The following INPP4B variants were observed in gnomAD, a reference collection of about 807,000 sequenced individuals.
INPP4B encodes the protein inositol polyphosphate 4-phosphatase type II.
In INPP4B, 55 loss-of-function variants were observed where a neutral mutation model predicts 122.5. The observed-to-expected ratio is 0.45, with a 90% CI of 0.36 to 0.56. The LOEUF is 0.56. INPP4B is among the 20% of genes least tolerant of loss of function. The pLI is 0.00. For missense variants in INPP4B, 1,000 were observed against 1,097.7 expected, an observed-to-expected ratio of 0.91 and a Z score of 1.26; for synonymous variants, 403 against 388.7, an observed-to-expected ratio of 1.04 and a Z score of -0.43.
intron 2 of INPP4B, among the ~76,000 whole-genome samples, chr4:142,660,225 G>A (rs1580651220): frequency 6.6e-6 from 1 of 152,076 alleles, no homozygotes; most frequent in East Asian, 1.9e-4. Context: ...GCTTTGCATG[G>A]CGAGACCTGC....
intron 16 of INPP4B, 47 bp from the exon 17 acceptor site, chr4:142,160,608 A>C: frequency 5.2e-5 from 73 of 1,407,976 alleles, no homozygotes; most frequent in Non-Finnish European, 6.8e-5. Flanking sequence ...TAGGCATCTC[A>C]GCATAGAGCT....
chr4:142,661,139 C>T (rs987040283), intron 2 of INPP4B, among the ~76,000 whole-genome samples: 6 of 152,140 alleles, frequency 3.9e-5, no homozygotes, highest in African/African-American at 7.2e-5. Flanking sequence ...GTGTTTCCCC[C>T]ACCCGTTTTT....
chr4:142,560,550 A>G (rs1730230768), intron 2 of INPP4B: 1 of 152,254 alleles, frequency 6.6e-6, no homozygotes, highest in Non-Finnish European at 1.5e-5. Flanking sequence ...TAGGGAGGCC[A>G]ACAGTGTAGC....
intron 11 of INPP4B, among the ~76,000 whole-genome samples, chr4:142,246,205 A>G (rs1333329452): frequency 1.3e-5 from 2 of 151,634 alleles, no homozygotes; most frequent in African/African-American, 4.8e-5. Context: ...CTTGGAGTAT[A>G]GTTTGAAGTC....
In INPP4B at chr4:142,145,820, G is replaced by GA. The variant is rs758952215; in HGVS notation, c.1720+19dup. On this transcript the variant is annotated intron_variant, in intron 18 of 25. Transcript: ENST00000262992. The stretch of plus-strand genomic sequence containing the variant: ...TTTTGTTTACTCAGTAAATGATTGG[G>GA]AAAAAAAATTATTTCTTACCTCTTG... 30 of 1,608,366 alleles carry GA rather than the reference G, an allele frequency of 1.9e-5. No homozygotes were observed. Among genetic ancestry groups the GA allele is most frequent in the Admixed American group, 1.3e-4 (8 of 59,344 alleles).
chr4:142,260,671 T>C (rs1739507218), intron 10 of INPP4B, 107 bp from the exon 11 acceptor site: 1 of 720,108 alleles, frequency 1.4e-6, no homozygotes, highest in Non-Finnish European at 2.3e-6. Context: ...TTTCAAAAAG[T>C]TTTGAATAAA....
chr4:142,722,410 A>G (rs1764807313), intron 2 of INPP4B, among the ~76,000 whole-genome samples: 1 of 152,216 alleles, frequency 6.6e-6, no homozygotes, highest in Non-Finnish European at 1.5e-5. Context: ...AAGGTAAGAA[A>G]CATAGCTGGG....
chr4:142,206,066 C>A (rs892297622), intron 14 of INPP4B, among the ~76,000 whole-genome samples: 1 of 152,110 alleles, frequency 6.6e-6, no homozygotes, highest in Non-Finnish European at 1.5e-5. Context: ...TGATAACAGC[C>A]TTCTGCTGTG....
At chr4:142,523,275 A>C (rs1474359302) in intron 2 of INPP4B, among the ~76,000 whole-genome samples, 1 of 152,090 alleles carries the variant, frequency 6.6e-6, no homozygotes, top group Non-Finnish European at 1.5e-5. Flanking sequence ...TAGCCCCCAG[A>C]TAATTCGAAT....
intron 7 of INPP4B, among the ~76,000 whole-genome samples, chr4:142,394,602 G>C (rs1280310607): frequency 6.6e-6 from 1 of 151,828 alleles, no homozygotes; most frequent in Non-Finnish European, 1.5e-5. Flanking sequence ...ATACCTGTTG[G>C]CCATTTGTAT....
intron 8 of INPP4B, among the ~76,000 whole-genome samples, chr4:142,314,076 T>C (rs1293914607): frequency 1.3e-5 from 2 of 152,218 alleles, no homozygotes; most frequent in Non-Finnish European, 2.9e-5. Context: ...TTCTGGTCTT[T>C]TTCCTCCTCT....
chr4:142,595,834 AG>A (rs756501598), intron 2 of INPP4B, among the ~76,000 whole-genome samples: 1 of 152,066 alleles, frequency 6.6e-6, no homozygotes, highest in Non-Finnish European at 1.5e-5. Context: ...TGAAAAGCCA[AG>A]GTAGATTCTA....
intron 21 of INPP4B, 23 bp downstream of exon 21, chr4:142,122,105 T>G: frequency 6.8e-7 from 1 of 1,470,044 alleles, no homozygotes; most frequent in Non-Finnish European, 9.5e-7. Flanking sequence ...AAGCCTGGTC[T>G]TCAGGAAGTG....
At chr4:142,740,310 AC>A (rs1767716216) in intron 1 of INPP4B, among the ~76,000 whole-genome samples, 2 of 152,054 alleles carry the variant, frequency 1.3e-5, no homozygotes, top group African/African-American at 4.8e-5. Context: ...GAAAAAGGAA[AC>A]AAAAATAAAA....
intron 12 of INPP4B, among the ~76,000 whole-genome samples, chr4:142,231,545 T>C (rs1304641185): frequency 6.6e-6 from 1 of 152,224 alleles, no homozygotes; most frequent in Non-Finnish European, 1.5e-5. Context: ...TTTGACTATA[T>C]ATTTAGACGT....
intron 2 of INPP4B, among the ~76,000 whole-genome samples, chr4:142,632,853 AAAT>A: frequency 1.3e-5 from 2 of 151,952 alleles, no homozygotes; most frequent in South Asian, 4.2e-4. Context: ...ACTTGATAAA[AAAT>A]AATACTTCAC....
chr4:142,576,430 A>T (rs1483404990), intron 2 of INPP4B, among the ~76,000 whole-genome samples: 1 of 151,418 alleles, frequency 6.6e-6, no homozygotes, highest in Non-Finnish European at 1.5e-5. Context: ...ATTATGACCA[A>T]TTTTTTTTTC....
intron 3 of INPP4B, among the ~76,000 whole-genome samples, chr4:142,440,808 T>G (rs1811546541): frequency 6.6e-6 from 1 of 152,212 alleles, no homozygotes. Context: ...GCAAAATAGT[T>G]ACTATGGTGG....
At chr4:142,684,921 A>G (rs1050268567) in intron 2 of INPP4B, among the ~76,000 whole-genome samples, 2 of 152,084 alleles carry the variant, frequency 1.3e-5, no homozygotes, top group South Asian at 2.1e-4. Context: ...TCAAAAGGTC[A>G]GTTTGAACAC....
Sources: allele counts gnomAD v4.1 joint callset (sites outside exome capture counted in the v4.1 genomes callset), GRCh38; gene constraint gnomAD v4.1.1; transcripts MANE v1.5; gene names NCBI Gene and HGNC (gene_info 2026-07-23, HGNC 2026-07-21).